The following PLA2G4C variants were observed in gnomAD, a reference collection of about 807,000 sequenced individuals.
PLA2G4C encodes cytosolic phospholipase A2 gamma.
Under a neutral mutation model 73.8 loss-of-function variants are expected in PLA2G4C, and 64 were observed. That is an observed-to-expected ratio of 0.87 (90% confidence interval 0.71 to 1.07). The LOEUF is 1.07. Among genes scored for constraint, PLA2G4C ranks in the 50% least tolerant of loss-of-function variants. The pLI, the probability that PLA2G4C is intolerant of heterozygous loss-of-function variation, is 0.00. For missense variants in PLA2G4C, 622 were observed against 665.4 expected (o/e 0.93, Z 0.72); for synonymous variants, 254 against 252.1 (o/e 1.01, Z -0.07).
In PLA2G4C at chr19:48,099,735, C is replaced by G; in HGVS notation, c.383G>C (p.Arg128Thr). The change falls in exon 5 of 17, where the codon AGG (arginine) becomes ACG (threonine). Residue 128 changes from arginine to threonine, a missense_variant. Arg to Thr is a moderately conservative substitution (Grantham distance 71). Transcript: ENST00000599921. Reference sequence around the variant, plus strand: ...GTCGGTCAGAGAGTAATTCTCAGACCTCGCTGCTTGGATGGTTTTCTGTAG... The same window carrying G: ...GTCGGTCAGAGAGTAATTCTCAGACGTCGCTGCTTGGATGGTTTTCTGTAG... ...KSLQKTIQAA[R>T]SENYSLTDFW... is the part of the protein sequence containing the mutation. 1 of 1,614,078 alleles carries G rather than the reference C, an allele frequency of 6.2e-7. No individual in the cohort carries two copies. The highest frequency in any genetic ancestry group is 8.5e-7 in the Non-Finnish European group (1 of 1,179,990).
intron 16 of PLA2G4C, chr19:48,051,678 C>T (rs1484542946): frequency 1.3e-5 from 2 of 151,972 alleles, no homozygotes; most frequent in Non-Finnish European, 2.9e-5. Flanking sequence ...AAGATCCAAT[C>T]ACCTCCCACC....
rs146940388 is a variant in PLA2G4C, at chr19:48,092,110, C to T, written c.710-1693G>A. Among the ~76,000 whole-genome samples the T allele has an allele frequency of 2.3e-3, 349 of 151,686 alleles. 1 individual carries two copies. Among genetic ancestry groups the T allele is most frequent in the African/African-American group, 7.5e-3 (309 of 41,250 alleles). ...GATAGCCCAGGCTGGAGCGCAATGG[C>T]GCGATCTCCGCTCACTGCAGCTTCC... On this transcript the variant is annotated intron_variant, in intron 7 of 16. Transcript: ENST00000599921.
chr19:48,078,499 G>A lies in PLA2G4C; in HGVS notation c.845-675C>T, dbSNP rs576494191. 2.1e-3 allele frequency among the ~76,000 whole-genome samples: 322 copies of A among 152,200 alleles called. 1 individual carries two copies. Among genetic ancestry groups the A allele is most frequent in the African/African-American group, 7.3e-3 (302 of 41,514 alleles). On this transcript the variant is annotated intron_variant, in intron 10 of 16. Transcript: ENST00000599921. ...ACTCATCCAAAAAGCTCCTAGGTCT[G>A]ATGAATGAATTCAGTAGAGTTTCAG... is the stretch of plus-strand genomic sequence containing the variant.
intron 4 of PLA2G4C, 71 bp from the exon 5 acceptor site, chr19:48,099,931 GCA>G (rs2031812266): frequency 6.6e-6 from 7 of 1,067,530 alleles, no homozygotes; most frequent in South Asian, 1.5e-5. Flanking sequence ...AAAGATGTGT[GCA>G]AGGAGGTCCT....
intron 10 of PLA2G4C, among the ~76,000 whole-genome samples, chr19:48,080,187 A>G (rs886487417): frequency 1.3e-5 from 2 of 152,346 alleles, no homozygotes; most frequent in South Asian, 4.1e-4. Context: ...ACATTTCTCA[A>G]AAGAAGATAT....
Position 48,054,389 on chromosome 19 carries a change from C to T in PLA2G4C, c.1429+489G>A, listed in dbSNP as rs528479012. On this transcript the variant is annotated intron_variant, in intron 15 of 16. Transcript: ENST00000599921. ...CGCGATCTCAGCTCACTGCAACCTC[C>T]GCCTCCCAGGTTCAAGCGATTCTCC... Among the ~76,000 whole-genome samples, 5 of 152,178 alleles carry T rather than the reference C, an allele frequency of 3.3e-5. No homozygotes were observed. In the South Asian group the frequency reaches 6.2e-4, roughly 19 times the overall value.
At chr19:48,076,298 G>A (rs768391086) in intron 11 of PLA2G4C, among the ~76,000 whole-genome samples, 2 of 152,198 alleles carry the variant, frequency 1.3e-5, no homozygotes, top group African/African-American at 2.4e-5. Context: ...TTAGGTTGGG[G>A]CCATGTGACT....
intron 7 of PLA2G4C, among the ~76,000 whole-genome samples, chr19:48,092,086 A>G (rs2031341590): frequency 6.7e-6 from 1 of 150,152 alleles, no homozygotes; most frequent in South Asian, 2.1e-4. Context: ...TTTTTTTGAG[A>G]TAGCCCAGGC....
Position 48,055,040 on chromosome 19 carries a change from C to T in PLA2G4C, c.1267G>A (p.Ala423Thr). 9 of 1,606,268 alleles carry T rather than the reference C, an allele frequency of 5.6e-6. No individual in the cohort carries two copies. Among genetic ancestry groups the T allele is most frequent in the Non-Finnish European group, 6.8e-6 (8 of 1,176,830 alleles). ...SAGDPFETIR[A>T]TTDYCRRHKI... ...TGGCGGCGGCAGTAGTCAGTGGTAGCCCGGATGGTCTGAGAAGGAGGCAAT... is the reference window on the plus strand; with the variant it reads ...TGGCGGCGGCAGTAGTCAGTGGTAGTCCGGATGGTCTGAGAAGGAGGCAAT... Residue 423 changes from alanine (A) to threonine (T), a missense_variant, in exon 15 of 17, where the codon GCT becomes ACT. Physicochemically the swap from Ala to Thr is moderately conservative, Grantham distance 58 (BLOSUM62 0). Transcript: ENST00000599921.
At chr19:48,089,718 G>T (rs2031187414) in intron 8 of PLA2G4C, among the ~76,000 whole-genome samples, 1 of 152,188 alleles carries the variant, frequency 6.6e-6, no homozygotes, top group African/African-American at 2.4e-5. Context: ...CAGCTTTCCA[G>T]AGTGAGCAGT....
chr19:48,110,521 G>C lies in PLA2G4C; in HGVS notation c.-67C>G. ...GGTCTGGGGCGTGTGCGCATGCGCG[G>C]TGGAGCTTGTGCTCCGGAATCCGGT... On this transcript the variant is annotated 5_prime_UTR_variant, in exon 1 of 17. Transcript: ENST00000599921. The C allele has an allele frequency of 2.1e-6, 2 of 971,342 alleles. No homozygotes were observed. 60.2% of individuals were successfully genotyped at this position (971,342 alleles called of 1,614,324 possible).
rs2031514467 is a variant in PLA2G4C, at chr19:48,095,398, A to G, written c.709+66T>C. On this transcript the variant is annotated intron_variant, in intron 7 of 16. Coordinates refer to ENST00000599921, the MANE Select transcript of PLA2G4C (RefSeq NM_003706.3). ...AGAGCTGGGCAAACTAGACCCTCAG[A>G]AGGAAAATTCTTGCCTCTCCTCCAC... 9 of 1,499,970 alleles carry G rather than the reference A, an allele frequency of 6.0e-6. No individual in the cohort carries two copies. The South Asian group carries it at 9.3e-5, about 16-fold the overall frequency. 92.9% of individuals were successfully genotyped at this position (1,499,970 alleles called of 1,614,324 possible). A position where few individuals can be genotyped will look rare whatever the true frequency, so the allele number is the denominator to read the frequency against.
intron 13 of PLA2G4C, among the ~76,000 whole-genome samples, chr19:48,066,988 C>T (rs1402287172): frequency 1.3e-5 from 2 of 148,752 alleles, no homozygotes; most frequent in African/African-American, 5.0e-5. Context: ...CACACACACA[C>T]ATACACATAC....
intron 13 of PLA2G4C, among the ~76,000 whole-genome samples, chr19:48,062,575 A>G (rs1600167136): frequency 6.6e-6 from 1 of 152,122 alleles, no homozygotes; most frequent in African/African-American, 2.4e-5. Context: ...GCGCCACTGC[A>G]CTCCAGCCTG....
At chr19:48,095,671 A>G (rs2031532260) in intron 6 of PLA2G4C, 67 bp from the exon 7 acceptor site, 5 of 1,486,328 alleles carry the variant, frequency 3.4e-6, no homozygotes, top group Non-Finnish European at 2.8e-6. Context: ...GTATGCAGGA[A>G]AAAGAAATCT....
chr19:48,095,585 G>T lies in PLA2G4C; in HGVS notation c.588C>A (p.Thr196=). The T allele has an allele frequency of 6.2e-7, 1 of 1,614,078 alleles. No homozygotes were observed. Among genetic ancestry groups the T allele is most frequent in the Non-Finnish European group, 8.5e-7 (1 of 1,179,976 alleles). The change falls in exon 7 of 17, where the codon ACC becomes ACA. Residue 196 remains threonine (T), a synonymous_variant. Transcript: ENST00000599921. ...GTGCAGAGAAGCCAGCGTGGTGAGG[G>T]GTGAACTCGAACCAGGTCTCTGCAG... ...ARAPETWFEF[T]PHHAGFSALG...
chr19:48,099,564 T>C (rs2031787221), intron 5 of PLA2G4C, 107 bp downstream of exon 5: 1 of 741,982 alleles, frequency 1.3e-6, no homozygotes, highest in Non-Finnish European at 2.2e-6. Context: ...GACTTGAAAA[T>C]CCTGAAGGAC....
At chr19:48,104,542 C>A in intron 4 of PLA2G4C, 46 bp downstream of exon 4, 1 of 1,591,606 alleles carries the variant, frequency 6.3e-7, no homozygotes, top group Non-Finnish European at 8.6e-7. Flanking sequence ...AAAAAATAAT[C>A]CCATTTATGT....
At chr19:48,074,473 G>T in intron 12 of PLA2G4C, 1 of 411,600 alleles carries the variant, frequency 2.4e-6, no homozygotes, top group Non-Finnish European at 4.5e-6. Context: ...CTAACAGAAT[G>T]ATTTACATTC....
Sources: gnomAD v4.1 joint callset for allele counts (sites outside exome capture counted in the v4.1 genomes callset) on GRCh38, gnomAD v4.1.1 for gene constraint, MANE v1.5 for transcripts, NCBI Gene and HGNC (gene_info 2026-07-23, HGNC 2026-07-21) for gene names.